Variants in CEP295 observed in about 807,000 individuals in gnomAD.
CEP295 encodes centrosomal protein of 295 kDa.
A neutral mutation model predicts 291.6 loss-of-function variants in CEP295; 190 were observed. That is an observed-to-expected ratio of 0.65 (90% CI 0.58 to 0.73). CEP295 has a LOEUF of 0.73. CEP295 is among the 30% of genes least tolerant of loss of function. The probability of loss-of-function intolerance (pLI) is 0.00; values close to 1 mark genes in which losing one functional copy is unlikely to be tolerated. For synonymous variants in CEP295, 993 were observed against 1,038.8 expected (o/e 0.96, Z 0.85); for missense variants, 2,863 against 2,949.4 (o/e 0.97, Z 0.68).
chr11:93,699,700 T>C lies in CEP295; in HGVS notation c.4788T>C (p.Ile1596=). Residue 1596 remains isoleucine, a synonymous_variant, in exon 15 of 30, where the codon ATT becomes ATC. Transcript: ENST00000325212. ...GACTTTTGAGTTTATCAAAGCCTAT[T>C]CTGCCTCAGCAAGATAATATGACAG... ...QDRLLSLSKP[I]LPQQDNMTAQ... 8 of 1,551,636 alleles carry C rather than the reference T, an allele frequency of 5.2e-6. No individual in the cohort carries two copies. The highest frequency in any genetic ancestry group is 7.0e-6 in the Non-Finnish European group (8 of 1,147,030).
At chr11:93,664,829 A>G (rs1262728565) in intron 1 of CEP295, among the ~76,000 whole-genome samples, 1 of 152,210 alleles carries the variant, frequency 6.6e-6, no homozygotes, top group Non-Finnish European at 1.5e-5. Context: ...TTGTGCATCC[A>G]TAGTATGTGA....
intron 18 of CEP295, among the ~76,000 whole-genome samples, chr11:93,713,536 T>C (rs1953049835): frequency 6.6e-6 from 1 of 152,224 alleles, no homozygotes; most frequent in Non-Finnish European, 1.5e-5. Flanking sequence ...GCTAGACGTA[T>C]TGGAGCTCCA....
Position 93,729,912 on chromosome 11 carries a change from CATCTTTTCCTGAAGACAGAA to C in CEP295, c.7612_7631del (p.Ser2538AspfsTer19). Reference sequence around the variant, plus strand: ...CTAAAGGGCGTGAATAAAGTCAGAGCATCTTTTCCTGAAGACAGAAAGACTACACAGGCTCTAAGGCACCA... The same window carrying C: ...CTAAAGGGCGTGAATAAAGTCAGAGCAGACTACACAGGCTCTAAGGCACCA... On this transcript the variant is annotated frameshift_variant, in exon 28 of 30. Coordinates refer to ENST00000325212, the MANE Select transcript of CEP295 (RefSeq NM_033395.2). LOFTEE classifies it high-confidence loss of function. 6.5e-7 allele frequency: 1 copy of C among 1,549,756 alleles called. No homozygotes were observed.
intron 16 of CEP295, 33 bp from the exon 17 acceptor site, chr11:93,702,743 G>C: frequency 6.5e-7 from 1 of 1,548,562 alleles, no homozygotes; most frequent in Non-Finnish European, 8.7e-7. Flanking sequence ...AATAGATTTT[G>C]TATTGTATCC....
At chr11:93,723,368 G>A in intron 21 of CEP295, 79 bp downstream of exon 21, 1 of 1,064,294 alleles carries the variant, frequency 9.4e-7, no homozygotes, top group Non-Finnish European at 1.3e-6. Context: ...ATTTTATGCA[G>A]TGATTGTTTG....
intron 3 of CEP295, among the ~76,000 whole-genome samples, chr11:93,668,433 A>G (rs1032509650): frequency 6.6e-6 from 1 of 151,894 alleles, no homozygotes; most frequent in East Asian, 1.9e-4. Context: ...TGCATGCCAC[A>G]TTAAGTTTGT....
Position 93,675,568 on chromosome 11 carries a change from C to T in CEP295, c.529-3C>T, listed in dbSNP as rs2134872817. 7.0e-7 allele frequency: 1 copy of T among 1,434,774 alleles called. No individual in the cohort carries two copies. The highest frequency in any genetic ancestry group is 9.3e-7 in the Non-Finnish European group (1 of 1,075,536). The allele number at this position is 1,434,774 out of a possible 1,614,324, so 88.9% of individuals were successfully genotyped here. On this transcript the variant is annotated splice_polypyrimidine_tract_variant and splice_region_variant and intron_variant, in intron 5 of 29. Coordinates refer to ENST00000325212, the MANE Select transcript of CEP295 (RefSeq NM_033395.2). The stretch of plus-strand genomic sequence containing the variant: ...ACCTATTTTTTTATGTTCTCTTTTC[C>T]AGAACATCGAAGTAAAAAGAATTTC...
At chr11:93,713,612 G>A (rs1953053350) in intron 18 of CEP295, among the ~76,000 whole-genome samples, 1 of 151,832 alleles carries the variant, frequency 6.6e-6, no homozygotes, top group South Asian at 2.1e-4. Context: ...TTCACCTTTG[G>A]GAATTTGATT....
Position 93,698,776 on chromosome 11 carries a change from A to G in CEP295, c.3864A>G (p.Ser1288=). 2.6e-6 allele frequency: 4 copies of G among 1,551,748 alleles called. No individual in the cohort carries two copies. Among genetic ancestry groups the G allele is most frequent in the Non-Finnish European group, 2.6e-6 (3 of 1,146,996 alleles). The change falls in exon 15 of 30, where the codon TCA becomes TCG. Residue 1288 remains serine, a synonymous_variant. Transcript: ENST00000325212. ...QENTSSEQTG[S]SSFIPQLVQL... is the part of the protein sequence containing the mutation. ...ATACATCTTCTGAACAAACTGGTTC[A>G]TCTTCATTCATACCCCAGTTGGTAC...
intron 25 of CEP295, 30 bp from the exon 26 acceptor site, chr11:93,729,397 TTAAAAAG>T: frequency 7.1e-7 from 1 of 1,417,006 alleles, no homozygotes; most frequent in Non-Finnish European, 9.8e-7. Flanking sequence ...CTTAAAGCGT[TTAAAAAG>T]AGTAAAACAT....
chr11:93,712,613 C>T (rs1025690751), intron 18 of CEP295, among the ~76,000 whole-genome samples: 6 of 152,126 alleles, frequency 3.9e-5, no homozygotes, highest in African/African-American at 1.4e-4. Flanking sequence ...TTTCCATTTG[C>T]ATCTTTTTCA....
Position 93,706,727 on chromosome 11 carries a change from A to G in CEP295, c.5597-18A>G, listed in dbSNP as rs577565541. 2.0e-6 allele frequency: 3 copies of G among 1,501,792 alleles called. No homozygotes were observed. The African/African-American group carries it at 4.2e-5, about 21-fold the overall frequency. The allele number at this position is 1,501,792 out of a possible 1,614,324, so 93.0% of individuals were successfully genotyped here. The stretch of plus-strand genomic sequence containing the variant: ...AATAGTTCCAGAAATTGAAGTGGAA[A>G]TATTTTTTCCCCCCCAGGTAAACCA... On this transcript the variant is annotated intron_variant, in intron 17 of 29. Coordinates refer to ENST00000325212, the MANE Select transcript of CEP295 (RefSeq NM_033395.2).
chr11:93,729,137 C>A (rs1168400578), intron 25 of CEP295: 2 of 497,460 alleles, frequency 4.0e-6, no homozygotes, highest in African/African-American at 3.9e-5. Context: ...TTCAGAACAA[C>A]TGGTAATTTT....
chr11:93,672,818 A>G (rs1253687394), intron 5 of CEP295, among the ~76,000 whole-genome samples: 2 of 58,608 alleles, frequency 3.4e-5, no homozygotes, highest in Middle Eastern at 7.9e-3. Flanking sequence ...GGTGCAATTC[A>G]CTGGAAATCC....
Position 93,720,492 on chromosome 11 carries a change from T to C in CEP295, c.5750-820T>C, listed in dbSNP as rs1243014592. On this transcript the variant is annotated intron_variant, in intron 18 of 29. Transcript: ENST00000325212. The stretch of plus-strand genomic sequence containing the variant: ...CTGCCTCAAAAAAAAAAAAAAAAAC[T>C]GTCTCTAAAAAAATGAAATAAAATA... Among the ~76,000 whole-genome samples the C allele has an allele frequency of 3.4e-5, 2 of 59,608 alleles. 1 individual carries two copies. Among genetic ancestry groups the C allele is most frequent in the Non-Finnish European group, 8.3e-5 (2 of 24,090 alleles). 39.1% of individuals were successfully genotyped at this position (59,608 alleles called of 152,430 possible). A position where few individuals can be genotyped will look rare whatever the true frequency, so the allele number is the denominator to read the frequency against.
At position 93,667,600 on chromosome 11, in the gene CEP295, T is replaced by C; in HGVS notation, c.109-7T>C. ...TTCATATAACCTGTTAAATATGCAT[T>C]CTTTAGGTTCGAGAACAAGAAAGAG... On this transcript the variant is annotated splice_polypyrimidine_tract_variant and splice_region_variant and intron_variant, in intron 2 of 29. Transcript: ENST00000325212. 1 of 1,531,198 alleles carries C rather than the reference T, an allele frequency of 6.5e-7. No individual in the cohort carries two copies. The highest frequency in any genetic ancestry group is 8.8e-7 in the Non-Finnish European group (1 of 1,139,930). The allele number at this position is 1,531,198 out of a possible 1,614,324, so 94.9% of individuals were successfully genotyped here.
chr11:93,666,103 C>A (rs555770037), intron 1 of CEP295, among the ~76,000 whole-genome samples: 1 of 152,316 alleles, frequency 6.6e-6, no homozygotes, highest in African/African-American at 2.4e-5. Flanking sequence ...TCGAGGTAGA[C>A]AATCTGCTAT....
At position 93,697,104 on chromosome 11, in the gene CEP295, A is replaced by G. The variant is rs1951881186; in HGVS notation, c.2192A>G (p.Glu731Gly). The part of the protein sequence containing the change: ...RDYKLVPKDS[E>G]TLSRALSHDR... Reference sequence around the variant, plus strand: ...TATAAATTGGTCCCCAAAGATTCTGAGACACTTTCAAGGGCTTTGTCACAT... The same window carrying G: ...TATAAATTGGTCCCCAAAGATTCTGGGACACTTTCAAGGGCTTTGTCACAT... The change falls in exon 15 of 30, where the codon GAG (glutamate) becomes GGG (glycine). Residue 731 changes from glutamate (E) to glycine (G), a missense_variant. Physicochemically the swap from Glu to Gly is moderately conservative, Grantham distance 98. Transcript: ENST00000325212. 1 of 1,551,622 alleles carries G rather than the reference A, an allele frequency of 6.4e-7. No homozygotes were observed. The highest frequency in any genetic ancestry group is 2.0e-5 in the Admixed American group (1 of 50,992).
chr11:93,691,823 T>C lies in CEP295; in HGVS notation c.1429+48T>C, dbSNP rs1310251778. The C allele has an allele frequency of 4.6e-6, 6 of 1,291,234 alleles. No individual in the cohort carries two copies. The East Asian group carries it at 1.0e-4, about 22-fold the overall frequency. The allele number at this position is 1,291,234 out of a possible 1,614,324, so 80.0% of individuals were successfully genotyped here. On this transcript the variant is annotated intron_variant, in intron 11 of 29. Transcript: ENST00000325212. ...CAAATTAAATTTGACTCCTTGCATC[T>C]TTTTTTTAAATAAAATTACATGTGA...
Sources: allele counts gnomAD v4.1 joint callset (sites outside exome capture counted in the v4.1 genomes callset), GRCh38; gene constraint gnomAD v4.1.1; transcripts MANE v1.5; gene names NCBI Gene and HGNC (gene_info 2026-07-23, HGNC 2026-07-21).